The following SCN8A variants were observed in gnomAD, a reference collection of about 807,000 sequenced individuals.
The protein encoded by SCN8A is sodium voltage-gated channel alpha subunit 8.
In SCN8A, 30 loss-of-function variants were observed where a neutral mutation model predicts 184.1. The ratio of observed to expected loss-of-function variants is 0.16; its 90% CI spans 0.12 to 0.22. The LOEUF (loss-of-function observed/expected upper bound fraction) is 0.22. SCN8A is among the 10% of genes least tolerant of loss of function. SCN8A has a pLI of 1.00. For synonymous variants in SCN8A, 852 were observed against 907.0 expected, an observed-to-expected ratio of 0.94 and a Z score of 1.09; for missense variants, 1,057 against 2,498.9, an observed-to-expected ratio of 0.42 and a Z score of 12.30.
intron 16 of SCN8A, among the ~76,000 whole-genome samples, chr12:51,766,767 T>C (rs1942844109): frequency 6.6e-6 from 1 of 152,118 alleles, no homozygotes; most frequent in Non-Finnish European, 1.5e-5. Context: ...CACTGGAGAG[T>C]GTGTTAGAAA....
At chr12:51,762,151 C>T (rs1020357482) in intron 14 of SCN8A, among the ~76,000 whole-genome samples, 1 of 152,128 alleles carries the variant, frequency 6.6e-6, no homozygotes, top group East Asian at 1.9e-4. Flanking sequence ...GCAAACATCA[C>T]AAGTATTATA....
intron 1 of SCN8A, among the ~76,000 whole-genome samples, chr12:51,631,762 A>C (rs914573981): frequency 2.0e-5 from 3 of 152,226 alleles, no homozygotes; most frequent in African/African-American, 7.2e-5. Flanking sequence ...GGCCTGACTC[A>C]CAGGAGAGCC....
At chr12:51,705,256 T>C (rs548285816) in intron 9 of SCN8A, among the ~76,000 whole-genome samples, 161 bp from the exon 10 acceptor site, 2 of 152,272 alleles carry the variant, frequency 1.3e-5, no homozygotes, top group African/African-American at 4.8e-5. Context: ...CATTCAACCA[T>C]TGGGAGTACC....
At chr12:51,642,127 C>G (rs1463295589) in intron 1 of SCN8A, among the ~76,000 whole-genome samples, 1 of 152,182 alleles carries the variant, frequency 6.6e-6, no homozygotes, top group Non-Finnish European at 1.5e-5. Context: ...TTATCATCGC[C>G]ATCATTATCA....
intron 2 of SCN8A, among the ~76,000 whole-genome samples, chr12:51,674,792 T>G (rs1203382183): frequency 5.3e-5 from 8 of 152,216 alleles, no homozygotes; most frequent in Admixed American, 5.2e-4. Context: ...GACCCTTCAT[T>G]TAATCTTTAT....
intron 9 of SCN8A, among the ~76,000 whole-genome samples, chr12:51,704,378 G>A (rs1454699636): frequency 3.9e-5 from 6 of 151,920 alleles, no homozygotes; most frequent in Non-Finnish European, 8.8e-5. Flanking sequence ...ACTCAAGATG[G>A]GGATTTCCTG....
At chr12:51,682,129 C>T (rs1941345563) in intron 2 of SCN8A, among the ~76,000 whole-genome samples, 1 of 152,158 alleles carries the variant, frequency 6.6e-6, no homozygotes, top group African/African-American at 2.4e-5. Context: ...TGTTGCATTA[C>T]ATTGGTTGAT....
chr12:51,626,856 A>C (rs1399848148), intron 1 of SCN8A, among the ~76,000 whole-genome samples: 1 of 150,746 alleles, frequency 6.6e-6, no homozygotes, highest in Non-Finnish European at 1.5e-5. Context: ...ATTAGTATTT[A>C]TTTATTTATT....
intron 8 of SCN8A, among the ~76,000 whole-genome samples, chr12:51,702,277 A>G (rs1397431360): frequency 1.3e-5 from 2 of 149,012 alleles, no homozygotes; most frequent in Admixed American, 1.3e-4. Flanking sequence ...ACCCGAGATC[A>G]TGCCATGGCA....
At chr12:51,635,881 A>C (rs1330440342) in intron 1 of SCN8A, among the ~76,000 whole-genome samples, 1 of 152,218 alleles carries the variant, frequency 6.6e-6, no homozygotes, top group Non-Finnish European at 1.5e-5. Flanking sequence ...GTATAGAAAA[A>C]TGCAATGACT....
chr12:51,642,066 C>T (rs942137044), intron 1 of SCN8A, among the ~76,000 whole-genome samples: 2 of 152,204 alleles, frequency 1.3e-5, no homozygotes, highest in Non-Finnish European at 1.5e-5. Context: ...TTCTCCTGCA[C>T]CATGCTCTGC....
At chr12:51,733,288 T>G (rs577909575) in intron 12 of SCN8A, among the ~76,000 whole-genome samples, 1 of 152,310 alleles carries the variant, frequency 6.6e-6, no homozygotes, top group South Asian at 2.1e-4. Flanking sequence ...TATAAAATGC[T>G]TTTTCAACGT....
At chr12:51,612,908 A>C (rs1370967808) in intron 1 of SCN8A, among the ~76,000 whole-genome samples, 1 of 152,120 alleles carries the variant, frequency 6.6e-6, no homozygotes, top group Non-Finnish European at 1.5e-5. Flanking sequence ...TTTTTAGTAG[A>C]GATGGGGTTT....
At chr12:51,695,314 T>C (rs952051698) in intron 6 of SCN8A, among the ~76,000 whole-genome samples, 3 of 152,250 alleles carry the variant, frequency 2.0e-5, no homozygotes, top group Non-Finnish European at 4.4e-5. Context: ...AGCCCCAGAC[T>C]TCAAAGCTGA....
rs1942065806 is a variant in SCN8A at position 51,721,701 on chromosome 12, C to T, written c.1791C>T (p.Arg597=). 2 of 1,589,950 alleles carry T rather than the reference C, an allele frequency of 1.3e-6. No individual in the cohort carries two copies. Among genetic ancestry groups the T allele is most frequent in the Non-Finnish European group, 1.7e-6 (2 of 1,168,320 alleles). ...EHSTVEESEG[R]RDSLFIPIRA... ...GCACGGTGGAGGAGAGCGAGGGCCG[C>T]CGGGACTCCCTCTTCATCCCCATCC... The change falls in exon 12 of 27, where the codon CGC becomes CGT. Residue 597 remains arginine (R), a synonymous_variant. Transcript: ENST00000627620.
intron 15 of SCN8A, among the ~76,000 whole-genome samples, chr12:51,763,501 A>G (rs749651263): frequency 3.9e-5 from 6 of 152,234 alleles, no homozygotes; most frequent in Non-Finnish European, 7.3e-5. Context: ...ATTGGGACAT[A>G]ACCCCATCAT....
At chr12:51,680,144 G>C (rs553724790) in intron 2 of SCN8A, among the ~76,000 whole-genome samples, 1 of 152,210 alleles carries the variant, frequency 6.6e-6, no homozygotes, top group South Asian at 2.1e-4. Flanking sequence ...CTTCATTTCA[G>C]GAGTTTAGTG....
chr12:51,656,103 C>T (rs1281338981), intron 1 of SCN8A, among the ~76,000 whole-genome samples: 2 of 152,068 alleles, frequency 1.3e-5, no homozygotes, highest in African/African-American at 2.4e-5. Flanking sequence ...AAACAGAAGA[C>T]ATTTAAGCTT....
At chr12:51,729,528 AT>A (rs1942208306) in intron 12 of SCN8A, among the ~76,000 whole-genome samples, 2 of 152,270 alleles carry the variant, frequency 1.3e-5, no homozygotes, top group African/African-American at 4.8e-5. Flanking sequence ...GTGGTATTTC[AT>A]TGTATAAACA....
Sources: gnomAD v4.1 joint callset for allele counts (sites outside exome capture counted in the v4.1 genomes callset) on GRCh38, gnomAD v4.1.1 for gene constraint, MANE v1.5 for transcripts, NCBI Gene and HGNC (gene_info 2026-07-23, HGNC 2026-07-21) for gene names.